Variants in NCOA1 observed in about 807,000 individuals in gnomAD.
NCOA1 encodes Hin-2 protein.
In NCOA1, 35 loss-of-function variants were observed where a neutral mutation model predicts 150.9. The observed-to-expected ratio is 0.23, with a 90% CI of 0.18 to 0.31. NCOA1 has a LOEUF of 0.31. NCOA1 is among the 10% of genes least tolerant of loss of function. The probability of loss-of-function intolerance (pLI) is 1.00; values close to 1 mark genes in which losing one functional copy is unlikely to be tolerated. For missense variants in NCOA1, 1,491 were observed against 1,749.3 expected (o/e 0.85, Z 2.63); for synonymous variants, 590 against 630.0 (o/e 0.94, Z 0.95).
chr2:24,669,669 T>C (rs1432825180), intron 6 of NCOA1, among the ~76,000 whole-genome samples: 1 of 152,032 alleles, frequency 6.6e-6, no homozygotes, highest in Non-Finnish European at 1.5e-5. Flanking sequence ...TGCACCATAA[T>C]AATAAAAAGA....
intron 6 of NCOA1, among the ~76,000 whole-genome samples, chr2:24,667,212 A>G: frequency 6.6e-6 from 1 of 152,190 alleles, no homozygotes; most frequent in East Asian, 1.9e-4. Context: ...AACTGCAGAG[A>G]GGAGCACTAG....
intron 1 of NCOA1, among the ~76,000 whole-genome samples, chr2:24,517,065 T>C (rs1017288435): frequency 1.4e-5 from 2 of 143,260 alleles, no homozygotes; most frequent in South Asian, 2.3e-4. Context: ...TTTTACTGTA[T>C]CTTGAATTTG....
intron 2 of NCOA1, among the ~76,000 whole-genome samples, chr2:24,576,149 GTTTTTTTTTTTTTGTTTTTTGTTTTTT>G (rs1373843765): frequency 1.5e-4 from 14 of 94,024 alleles, no homozygotes; most frequent in East Asian, 2.8e-4. Flanking sequence ...TTTGGCCTTT[GTTTTTTTTTTTTTGTTTTTTGTTTTTT>G]TTTTTTTTTT....
chr2:24,627,342 G>A (rs1572510486), intron 3 of NCOA1, among the ~76,000 whole-genome samples: 1 of 152,014 alleles, frequency 6.6e-6, no homozygotes, highest in East Asian at 1.9e-4. Context: ...ACTTTAAAAG[G>A]TAATATGTAA....
chr2:24,633,466 G>GA (rs1310318895), intron 3 of NCOA1, among the ~76,000 whole-genome samples: 3 of 151,844 alleles, frequency 2.0e-5, no homozygotes, highest in African/African-American at 7.3e-5. Context: ...TGAAAAGAAA[G>GA]AAAAAATGAA....
chr2:24,673,910 A>G (rs191602697), intron 7 of NCOA1, among the ~76,000 whole-genome samples: 1 of 152,352 alleles, frequency 6.6e-6, no homozygotes, highest in East Asian at 1.9e-4. Flanking sequence ...TTATATAAAC[A>G]TTCTAAGAGA....
At chr2:24,635,489 A>G (rs1558860176) in intron 3 of NCOA1, among the ~76,000 whole-genome samples, 1 of 152,218 alleles carries the variant, frequency 6.6e-6, no homozygotes, top group African/African-American at 2.4e-5. Flanking sequence ...ATAAAAAAAT[A>G]AAAAGTACTC....
At chr2:24,525,070 AG>A (rs1417122958) in intron 1 of NCOA1, among the ~76,000 whole-genome samples, 1 of 152,232 alleles carries the variant, frequency 6.6e-6, no homozygotes, top group Non-Finnish European at 1.5e-5. Flanking sequence ...TAGTGAAATT[AG>A]GGGAGAGGAG....
At chr2:24,510,107 T>C (rs1663871708) in intron 1 of NCOA1, among the ~76,000 whole-genome samples, 1 of 152,164 alleles carries the variant, frequency 6.6e-6, no homozygotes, top group African/African-American at 2.4e-5. Context: ...TGGAGTGCAA[T>C]GGCATGATCT....
chr2:24,576,431 C>T (rs1666995066), intron 2 of NCOA1, among the ~76,000 whole-genome samples: 1 of 152,098 alleles, frequency 6.6e-6, no homozygotes. Context: ...CCCTTCTTTA[C>T]ACTACATCCT....
chr2:24,543,480 A>G (rs1665482835), intron 1 of NCOA1, among the ~76,000 whole-genome samples: 1 of 152,112 alleles, frequency 6.6e-6, no homozygotes, highest in African/African-American at 2.4e-5. Context: ...ATCAAATCGT[A>G]GCAGAGATAA....
At chr2:24,654,629 TATC>T (rs905148905) in intron 4 of NCOA1, among the ~76,000 whole-genome samples, 8 of 152,302 alleles carry the variant, frequency 5.3e-5, no homozygotes, top group African/African-American at 1.9e-4. Flanking sequence ...AGTCAAATCC[TATC>T]ATCCTTCTGT....
intron 1 of NCOA1, among the ~76,000 whole-genome samples, chr2:24,552,224 A>G (rs1000725583): frequency 1.3e-5 from 2 of 148,926 alleles, no homozygotes; most frequent in Non-Finnish European, 3.0e-5. Flanking sequence ...AATTTGGGGG[A>G]AAATTGACAT....
chr2:24,681,501 C>T (rs1672169731), intron 7 of NCOA1, among the ~76,000 whole-genome samples: 1 of 152,184 alleles, frequency 6.6e-6, no homozygotes, highest in South Asian at 2.1e-4. Context: ...ACGACATTTT[C>T]AGTATCACGT....
chr2:24,622,336 C>T (rs1312103482), intron 3 of NCOA1, among the ~76,000 whole-genome samples: 1 of 152,180 alleles, frequency 6.6e-6, no homozygotes, highest in Non-Finnish European at 1.5e-5. Flanking sequence ...AGATGTTCAG[C>T]AGCATCTGAT....
chr2:24,549,667 C>T lies in NCOA1; in HGVS notation c.-395-14628C>T, dbSNP rs930171374. ...CTGCAAGCTCCACCTCCCGCGTTTA[C>T]GCCATTCTCCTGCCTCAGCCTGCTG... On this transcript the variant is annotated intron_variant, in intron 1 of 22. Transcript: ENST00000348332. Among the ~76,000 whole-genome samples the T allele has an allele frequency of 1.6e-4, 25 of 152,244 alleles. No homozygotes were observed. In the East Asian group the frequency reaches 2.7e-3, roughly 16 times the overall value.
intron 1 of NCOA1, among the ~76,000 whole-genome samples, chr2:24,517,160 A>G (rs1664236168): frequency 6.6e-6 from 1 of 151,186 alleles, no homozygotes; most frequent in African/African-American, 2.4e-5. Context: ...CCATTTACAC[A>G]CTTATTTTTT....
At chr2:24,642,301 C>G (rs1670266640) in intron 3 of NCOA1, among the ~76,000 whole-genome samples, 1 of 146,898 alleles carries the variant, frequency 6.8e-6, no homozygotes, top group South Asian at 2.1e-4. Context: ...CATGTGTTTA[C>G]CCATTATATG....
intron 7 of NCOA1, among the ~76,000 whole-genome samples, chr2:24,676,988 C>T (rs1671940302): frequency 6.6e-6 from 1 of 152,198 alleles, no homozygotes; most frequent in South Asian, 2.1e-4. Context: ...ACTAAACCTA[C>T]AGCTGGTATC....
Sources: allele counts gnomAD v4.1 joint callset (sites outside exome capture counted in the v4.1 genomes callset), GRCh38; gene constraint gnomAD v4.1.1; transcripts MANE v1.5; gene names NCBI Gene and HGNC (gene_info 2026-07-23, HGNC 2026-07-21).